The following RGS14 variants were observed in gnomAD, a reference collection of about 807,000 sequenced individuals.
The protein encoded by RGS14 is regulator of G-protein signaling 14.
RGS14 carries 33 observed loss-of-function variants against 63.8 expected under a neutral mutation model. The ratio of observed to expected loss-of-function variants is 0.52; its 90% CI spans 0.39 to 0.69. The LOEUF (loss-of-function observed/expected upper bound fraction) is 0.69. Among genes scored for constraint, RGS14 ranks in the 30% least tolerant of loss-of-function variants. The probability of loss-of-function intolerance (pLI) is 0.00; values close to 1 mark genes in which losing one functional copy is unlikely to be tolerated. For synonymous variants in RGS14, 296 were observed against 320.9 expected, an observed-to-expected ratio of 0.92 and a Z score of 0.83; for missense variants, 739 against 742.9, an observed-to-expected ratio of 0.99 and a Z score of 0.06.
chr5:177,369,281 G>A (rs1484652876), intron 9 of RGS14, among the ~76,000 whole-genome samples: 2 of 152,204 alleles, frequency 1.3e-5, no homozygotes, highest in Non-Finnish European at 2.9e-5. Flanking sequence ...GCCTCTAGGG[G>A]CACCCAAGTG....
rs1762043083 is a variant in RGS14, at chr5:177,364,332, A to T, written c.46-1631A>T. Among the ~76,000 whole-genome samples the T allele has an allele frequency of 6.6e-6, 1 of 152,124 alleles. No individual in the cohort carries two copies. The highest frequency in any genetic ancestry group is 1.5e-5 in the Non-Finnish European group (1 of 68,014). ...GGAACTGGGGATGACTCAAGCCCTGATGTTGGAAGCCCGGGTGATGGGAAG... is the reference window on the plus strand; with the variant it reads ...GGAACTGGGGATGACTCAAGCCCTGTTGTTGGAAGCCCGGGTGATGGGAAG... On this transcript the variant is annotated intron_variant, in intron 1 of 14. Coordinates refer to ENST00000408923, the MANE Select transcript of RGS14 (RefSeq NM_006480.5). This position sits in a 1 kb window ranked among gnomAD's most constrained non-coding sequence, Gnocchi z 4.6.
In RGS14 at chr5:177,364,161, G is replaced by T. The variant is rs1331841005; in HGVS notation, c.46-1802G>T. 2.0e-5 allele frequency among the ~76,000 whole-genome samples: 3 copies of T among 151,740 alleles called. No individual in the cohort carries two copies. Among genetic ancestry groups the T allele is most frequent in the South Asian group, 2.1e-4 (1 of 4,798 alleles). ...GTGGGAGTAGGAAACAGAGAGGAAGGTTCCATTCAGGAGGGTGGGGGTTGG... is the reference window on the plus strand; with the variant it reads ...GTGGGAGTAGGAAACAGAGAGGAAGTTTCCATTCAGGAGGGTGGGGGTTGG... On this transcript the variant is annotated intron_variant, in intron 1 of 14. Transcript: ENST00000408923. This position sits in a 1 kb window ranked among gnomAD's most constrained non-coding sequence, Gnocchi z 4.6.
chr5:177,372,167 G>A lies in RGS14; in HGVS notation c.*92G>A, dbSNP rs1257978738. 2 of 1,284,926 alleles carry A rather than the reference G, an allele frequency of 1.6e-6. No individual in the cohort carries two copies. The highest frequency in any genetic ancestry group is 2.2e-6 in the Non-Finnish European group (2 of 916,454). The allele number at this position is 1,284,926 out of a possible 1,614,324, so 79.6% of individuals were successfully genotyped here. ...TGCATGCCCTGTCTGTGCCATGAGTGTCCCTGGCCCCTTCCTGCCATGGGC... is the reference window on the plus strand; with the variant it reads ...TGCATGCCCTGTCTGTGCCATGAGTATCCCTGGCCCCTTCCTGCCATGGGC... On this transcript the variant is annotated 3_prime_UTR_variant, in exon 15 of 15. Transcript: ENST00000408923.
intron 5 of RGS14, 145 bp from the exon 6 acceptor site, chr5:177,367,269 G>C (rs1469961540): frequency 3.3e-6 from 4 of 1,226,500 alleles, no homozygotes; most frequent in Non-Finnish European, 4.5e-6. Flanking sequence ...CCCGGGGGTG[G>C]GTATAGGAAC....
rs149930233 is a variant in RGS14 at position 177,363,697 on chromosome 5, G to T, written c.46-2266G>T. On this transcript the variant is annotated intron_variant, in intron 1 of 14. Coordinates refer to ENST00000408923, the MANE Select transcript of RGS14 (RefSeq NM_006480.5). ...ACTCATTTAATCGCACCAATCCTTCGAAGTCAGGACCATTATTTGCTCCAT... is the reference window on the plus strand; with the variant it reads ...ACTCATTTAATCGCACCAATCCTTCTAAGTCAGGACCATTATTTGCTCCAT... Among the ~76,000 whole-genome samples the T allele has an allele frequency of 7.0e-3, 1,060 of 152,210 alleles. 46 individuals carry two copies. Among genetic ancestry groups the T allele is most frequent in the Admixed American group, 0.063 (960 of 15,288 alleles).
chr5:177,370,606 C>T lies in RGS14; in HGVS notation c.1069C>T (p.Gln357Ter). 6.2e-7 allele frequency: 1 copy of T among 1,614,070 alleles called. No individual in the cohort carries two copies. Among genetic ancestry groups the T allele is most frequent in the Non-Finnish European group, 8.5e-7 (1 of 1,179,982 alleles). Residue 357 changes from glutamine to a stop codon, truncating the protein, a stop_gained, in exon 10 of 15, where the codon CAG becomes TAG. Transcript: ENST00000408923. LOFTEE classifies it high-confidence loss of function. The part of the protein sequence containing the change: ...VGNEQALVLD[Q>*]DCTVLADQEV... ...TCCACAGAAGGCCCTGGTCCTGGATCAGGACTGCACCGTGCTGGCGGATCA... is the reference window on the plus strand; with the variant it reads ...TCCACAGAAGGCCCTGGTCCTGGATTAGGACTGCACCGTGCTGGCGGATCA...
Position 177,367,557 on chromosome 5 carries a change from G to A in RGS14, c.627G>A (p.Lys209=). The A allele has an allele frequency of 1.2e-6, 2 of 1,607,868 alleles. No homozygotes were observed. The highest frequency in any genetic ancestry group is 1.7e-6 in the Non-Finnish European group (2 of 1,177,046). Reference sequence around the variant, plus strand: ...TCGGCAGCCCTGACGCCACGAGGAAGGTGCGTGGGACTGGGCGAGGGACTG... The same window carrying A: ...TCGGCAGCCCTGACGCCACGAGGAAAGTGCGTGGGACTGGGCGAGGGACTG... ...SRLGSPDATR[K]KPKLKPGKSL... The change falls in exon 6 of 15, where the codon AAG becomes AAA. Residue 209 remains lysine, a splice_region_variant and synonymous_variant. Coordinates refer to ENST00000408923, the MANE Select transcript of RGS14 (RefSeq NM_006480.5).
At position 177,366,792 on chromosome 5, in the gene RGS14, A is replaced by T; in HGVS notation, c.331A>T (p.Thr111Ser). 6.2e-7 allele frequency: 1 copy of T among 1,613,916 alleles called. No individual in the cohort carries two copies. Among genetic ancestry groups the T allele is most frequent in the Non-Finnish European group, 8.5e-7 (1 of 1,179,972 alleles). ...CTTCCAGCAGATCCCGGCCAGCGAT[A>T]CCCAGCAGGTGGGGGAAGGGGGAGC... ...ERFQQIPASD[T>S]QQLAQEARNI... Residue 111 changes from threonine (T) to serine (S), a missense_variant, in exon 4 of 15, where the codon ACC becomes TCC. Physicochemically the swap from Thr to Ser is moderately conservative, Grantham distance 58. Transcript: ENST00000408923.
intron 10 of RGS14, 71 bp from the exon 11 acceptor site, chr5:177,370,834 G>A (rs1426156816): frequency 3.9e-5 from 62 of 1,576,820 alleles, no homozygotes; most frequent in Admixed American, 1.6e-4. Flanking sequence ...CCACCCCCTC[G>A]CGTTTGTCCT....
intron 5 of RGS14, 160 bp downstream of exon 5, chr5:177,367,194 G>A (rs2127332235): frequency 8.9e-7 from 1 of 1,124,154 alleles, no homozygotes; most frequent in Non-Finnish European, 1.2e-6. Context: ...TCAGAGGGCG[G>A]TATCAGAGGC....
chr5:177,366,151 A>C (rs1330962882), intron 2 of RGS14, 26 bp from the exon 3 acceptor site: 1 of 1,600,362 alleles, frequency 6.2e-7, no homozygotes, highest in Admixed American at 1.7e-5. Context: ...AGCAAGGCTC[A>C]CCCCAACTTG....
rs1201674818 is a variant in RGS14 at position 177,359,713 on chromosome 5, C to T, written c.45+1644C>T. ...CTCTCTGTGCCACCTCTTAGAATCCCGAGGGTCACAGATTGGCTGCCTGCT... is the reference window on the plus strand; with the variant it reads ...CTCTCTGTGCCACCTCTTAGAATCCTGAGGGTCACAGATTGGCTGCCTGCT... On this transcript the variant is annotated intron_variant, in intron 1 of 14. Transcript: ENST00000408923. The surrounding 1 kb of genome is among the most constrained non-coding windows in gnomAD (Gnocchi z 4.4). Among the ~76,000 whole-genome samples, 3 of 152,226 alleles carry T rather than the reference C, an allele frequency of 2.0e-5. No homozygotes were observed. Among genetic ancestry groups the T allele is most frequent in the African/African-American group, 4.8e-5 (2 of 41,448 alleles).
chr5:177,367,312 C>G (rs1179745627), intron 5 of RGS14, 102 bp from the exon 6 acceptor site: 1 of 1,435,914 alleles, frequency 7.0e-7, no homozygotes, highest in African/African-American at 1.4e-5. Context: ...AAATCCAGCC[C>G]TAGGTTTGGG....
intron 6 of RGS14, 55 bp from the exon 7 acceptor site, chr5:177,367,659 G>A: frequency 6.3e-7 from 1 of 1,592,856 alleles, no homozygotes; most frequent in Non-Finnish European, 8.5e-7. Flanking sequence ...TGTGCCCACG[G>A]TCTGCATGCG....
rs1476563480 is a variant in RGS14 at position 177,359,711 on chromosome 5, C to CCCGAGGGTCACAGATTGGCTG, written c.45+1645_45+1665dup. Among the ~76,000 whole-genome samples the CCCGAGGGTCACAGATTGGCTG allele has an allele frequency of 1.3e-5, 2 of 152,248 alleles. No homozygotes were observed. The highest frequency in any genetic ancestry group is 2.9e-5 in the Non-Finnish European group (2 of 68,040). On this transcript the variant is annotated intron_variant, in intron 1 of 14. Transcript: ENST00000408923. This position sits in a 1 kb window ranked among gnomAD's most constrained non-coding sequence, Gnocchi z 4.4. Reference sequence around the variant, plus strand: ...AACTCTCTGTGCCACCTCTTAGAATCCCGAGGGTCACAGATTGGCTGCCTG... The same window carrying CCCGAGGGTCACAGATTGGCTG: ...AACTCTCTGTGCCACCTCTTAGAATCCCGAGGGTCACAGATTGGCTGCCGAGGGTCACAGATTGGCTGCCTG...
Position 177,372,070 on chromosome 5 carries a change from C to T in RGS14, c.1696C>T (p.Leu566Phe). The T allele has an allele frequency of 6.2e-7, 1 of 1,613,756 alleles. No individual in the cohort carries two copies. Among genetic ancestry groups the T allele is most frequent in the Non-Finnish European group, 8.5e-7 (1 of 1,179,842 alleles). Residue 566 changes from leucine (L) to phenylalanine (F), a missense_variant, in exon 15 of 15, where the codon CTC becomes TTC. Transcript: ENST00000408923. ...GSLNSTTDSA[L>F] ...CTTGAACTCCACCACCGACTCAGCC[C>T]TCTGACAGCTACCCAACAGTCCAGG...
chr5:177,359,380 G>A lies in RGS14; in HGVS notation c.45+1311G>A, dbSNP rs985989974. Reference sequence around the variant, plus strand: ...TCCCATGTCACAGGCATGACACTTCGCTCGTCCTTGCCTAGGCGACCGGGC... The same window carrying A: ...TCCCATGTCACAGGCATGACACTTCACTCGTCCTTGCCTAGGCGACCGGGC... On this transcript the variant is annotated intron_variant, in intron 1 of 14. Coordinates refer to ENST00000408923, the MANE Select transcript of RGS14 (RefSeq NM_006480.5). The surrounding 1 kb of genome is among the most constrained non-coding windows in gnomAD (Gnocchi z 4.4). Among the ~76,000 whole-genome samples, 3 of 152,118 alleles carry A rather than the reference G, an allele frequency of 2.0e-5. No individual in the cohort carries two copies. Among genetic ancestry groups the A allele is most frequent in the Admixed American group, 1.3e-4 (2 of 15,274 alleles).
chr5:177,366,443 T>C (rs1002570591), intron 3 of RGS14, 88 bp downstream of exon 3: 39 of 1,225,676 alleles, frequency 3.2e-5, no homozygotes, highest in Non-Finnish European at 3.9e-5. Context: ...TGGGGTCCTC[T>C]GTCAGCTTCC....
At chr5:177,361,295 C>G (rs1377792159) in intron 1 of RGS14, among the ~76,000 whole-genome samples, 1 of 152,224 alleles carries the variant, frequency 6.6e-6, no homozygotes, top group Admixed American at 6.5e-5. Context: ...GCCCCTCAAG[C>G]TAGGATGAAA....
Sources: allele counts gnomAD v4.1 joint callset (sites outside exome capture counted in the v4.1 genomes callset), GRCh38; gene constraint gnomAD v4.1.1; non-coding constraint Gnocchi (gnomAD v3.1); transcripts MANE v1.5; gene names NCBI Gene and HGNC (gene_info 2026-07-23, HGNC 2026-07-21).